Variants in MAML2 observed in about 807,000 individuals in gnomAD.
The protein encoded by MAML2 is mastermind like transcriptional coactivator 2.
Under a neutral mutation model 96.1 loss-of-function variants are expected in MAML2, and 22 were observed. The observed-to-expected ratio is 0.23, with a 90% confidence interval of 0.16 to 0.33. The LOEUF (loss-of-function observed/expected upper bound fraction) is 0.33, where lower values mean the gene tolerates loss of function less well. Ranked by LOEUF, MAML2 falls within the 10% of genes least tolerant of loss-of-function variation. The pLI, the probability that MAML2 is intolerant of heterozygous loss-of-function variation, is 1.00. For missense variants in MAML2, 1,367 were observed against 1,392.4 expected (o/e 0.98, Z 0.29); for synonymous variants, 561 against 521.3 (o/e 1.08, Z -1.04).
At chr11:96,149,976 T>C (rs1860894210) in intron 1 of MAML2, among the ~76,000 whole-genome samples, 1 of 152,234 alleles carries the variant, frequency 6.6e-6, no homozygotes, top group African/African-American at 2.4e-5. Flanking sequence ...TGAGTCATCA[T>C]GGCCAGTACT....
chr11:96,319,508 C>T (rs1010878810), intron 1 of MAML2, among the ~76,000 whole-genome samples: 2 of 152,152 alleles, frequency 1.3e-5, no homozygotes, highest in Non-Finnish European at 2.9e-5. Context: ...AAAAGTCATG[C>T]CATCAGAGAA....
intron 1 of MAML2, among the ~76,000 whole-genome samples, chr11:96,173,644 T>C (rs906114161): frequency 2.6e-5 from 4 of 152,124 alleles, no homozygotes; most frequent in Non-Finnish European, 2.9e-5. Flanking sequence ...TTGAATGCCA[T>C]GCAAGCCACA....
intron 2 of MAML2, among the ~76,000 whole-genome samples, chr11:96,043,408 A>G (rs117916109): frequency 6.6e-6 from 1 of 152,218 alleles, no homozygotes; most frequent in Non-Finnish European, 1.5e-5. Flanking sequence ...AAAGTTCTCA[A>G]ATGGAAATGA....
chr11:96,226,093 A>T (rs376776261), intron 1 of MAML2, among the ~76,000 whole-genome samples: 4 of 152,214 alleles, frequency 2.6e-5, no homozygotes, highest in Admixed American at 2.0e-4. Context: ...GACAAATAAG[A>T]TATGGTGCAT....
chr11:96,145,150 T>C (rs79764900), intron 1 of MAML2, among the ~76,000 whole-genome samples: 1,550 of 152,300 alleles, frequency 0.01, 18 homozygotes, highest in Admixed American at 0.021. Flanking sequence ...TTAAAAATAG[T>C]GAAACTGAAG....
chr11:96,200,243 C>T (rs1206522750), intron 1 of MAML2, among the ~76,000 whole-genome samples: 2 of 152,168 alleles, frequency 1.3e-5, no homozygotes, highest in Non-Finnish European at 2.9e-5. Flanking sequence ...TACTCATTAA[C>T]ACTCTTAATG....
At chr11:96,047,980 T>C (rs910815532) in intron 2 of MAML2, among the ~76,000 whole-genome samples, 1 of 150,740 alleles carries the variant, frequency 6.6e-6, no homozygotes, top group African/African-American at 2.4e-5. Context: ...ACAAGTCTTG[T>C]TAAGTTATGA....
Position 96,064,579 on chromosome 11 carries a change from C to G in MAML2, c.2139+27313G>C, listed in dbSNP as rs549292604. ...GCATCTTTGGCAAATCTTTGGGGAT[C>G]TTTCCACCTCAGTATTCTTTTCTAC... On this transcript the variant is annotated intron_variant, in intron 2 of 4. Coordinates refer to ENST00000524717, the MANE Select transcript of MAML2 (RefSeq NM_032427.4). Among the ~76,000 whole-genome samples the G allele has an allele frequency of 2.6e-5, 4 of 152,324 alleles. No homozygotes were observed. In the East Asian group the frequency reaches 7.7e-4, roughly 29 times the overall value.
chr11:96,166,321 T>C lies in MAML2; in HGVS notation c.514-72804A>G, dbSNP rs1022944698. Among the ~76,000 whole-genome samples the C allele has an allele frequency of 4.6e-4, 70 of 152,208 alleles. 1 individual carries two copies. The highest frequency in any genetic ancestry group is 1.7e-3 in the African/African-American group (69 of 41,446). On this transcript the variant is annotated intron_variant, in intron 1 of 4. Transcript: ENST00000524717. ...ATTGAGTGAGTCAGTTTTCTGCAAATAGCCAACTGAATTTAAAGGATAAGT... is the reference window on the plus strand; with the variant it reads ...ATTGAGTGAGTCAGTTTTCTGCAAACAGCCAACTGAATTTAAAGGATAAGT...
chr11:96,313,867 C>A (rs775411740), intron 1 of MAML2, among the ~76,000 whole-genome samples: 12 of 152,102 alleles, frequency 7.9e-5, no homozygotes, highest in Non-Finnish European at 1.3e-4. Context: ...TTGGATTTTT[C>A]GACATTTGAA....
At chr11:96,025,350 G>C (rs1360766872) in intron 2 of MAML2, among the ~76,000 whole-genome samples, 1 of 152,042 alleles carries the variant, frequency 6.6e-6, no homozygotes, top group Non-Finnish European at 1.5e-5. Flanking sequence ...CTAAGCATTG[G>C]GTACACATGG....
At chr11:96,186,093 A>G (rs1296737825) in intron 1 of MAML2, among the ~76,000 whole-genome samples, 1 of 152,234 alleles carries the variant, frequency 6.6e-6, no homozygotes, top group Non-Finnish European at 1.5e-5. Flanking sequence ...ATTCTGATAG[A>G]CAGCATAGTT....
At chr11:96,103,524 G>A (rs781762172) in intron 1 of MAML2, among the ~76,000 whole-genome samples, 9 of 152,072 alleles carry the variant, frequency 5.9e-5, no homozygotes, top group Non-Finnish European at 1.2e-4. Flanking sequence ...CATTATTTTC[G>A]GGTTTGTACT....
intron 1 of MAML2, among the ~76,000 whole-genome samples, chr11:96,262,413 T>G (rs2135974160): frequency 6.6e-6 from 1 of 152,244 alleles, no homozygotes; most frequent in African/African-American, 2.4e-5. Flanking sequence ...GCTCGTTTTC[T>G]TTCCTCTTGT....
intron 1 of MAML2, among the ~76,000 whole-genome samples, chr11:96,198,187 T>C (rs1861758882): frequency 6.6e-6 from 1 of 152,202 alleles, no homozygotes; most frequent in South Asian, 2.1e-4. Flanking sequence ...AGGCTATCAA[T>C]TGACCCTAAA....
intron 1 of MAML2, among the ~76,000 whole-genome samples, chr11:96,317,084 G>A (rs755829155): frequency 5.3e-5 from 8 of 152,128 alleles, no homozygotes; most frequent in Non-Finnish European, 1.2e-4. Flanking sequence ...GCATTCCACA[G>A]ATGTTCCTCG....
At chr11:96,048,567 G>C (rs749918450) in intron 2 of MAML2, among the ~76,000 whole-genome samples, 8 of 152,134 alleles carry the variant, frequency 5.3e-5, no homozygotes, top group Admixed American at 2.6e-4. Context: ...AATGTCTTAA[G>C]AGGAGTTCAA....
At chr11:95,991,854 A>G (rs910112237) in intron 2 of MAML2, 131 bp from the exon 3 acceptor site, 18 of 695,010 alleles carry the variant, frequency 2.6e-5, no homozygotes, top group African/African-American at 2.3e-4. Flanking sequence ...AATGGGTTGG[A>G]GATCAGAGAA....
intron 1 of MAML2, among the ~76,000 whole-genome samples, chr11:96,094,037 T>C (rs73523551): frequency 0.016 from 2,507 of 152,208 alleles, 79 homozygotes; most frequent in African/African-American, 0.058. Context: ...ATCCTCTAAG[T>C]AAGTAATTAG....
Sources: gnomAD v4.1 joint callset for allele counts (sites outside exome capture counted in the v4.1 genomes callset) on GRCh38, gnomAD v4.1.1 for gene constraint, MANE v1.5 for transcripts, NCBI Gene and HGNC (gene_info 2026-07-23, HGNC 2026-07-21) for gene names.